The following SORCS3 variants were observed in gnomAD, a reference collection of about 807,000 sequenced individuals.
SORCS3 encodes sortilin related VPS10 domain containing receptor 3.
SORCS3 carries 57 observed loss-of-function variants against 146.3 expected under a neutral mutation model. The observed-to-expected ratio is 0.39, with a 90% CI of 0.31 to 0.49. The LOEUF is 0.49. SORCS3 is among the 20% of genes least tolerant of loss of function. The pLI is 0.92. For missense variants in SORCS3, 1,341 were observed against 1,575.5 expected (o/e 0.85, Z 2.52); for synonymous variants, 653 against 618.5 (o/e 1.06, Z -0.83).
intron 1 of SORCS3, among the ~76,000 whole-genome samples, chr10:104,735,450 C>G (rs933951273): frequency 2.4e-4 from 6 of 25,294 alleles, no homozygotes; most frequent in African/African-American, 9.7e-4. Flanking sequence ...TGAGCTCTCA[C>G]CGTCTGTTTT....
At chr10:105,213,011 C>A (rs1011169736) in intron 17 of SORCS3, among the ~76,000 whole-genome samples, 4 of 151,976 alleles carry the variant, frequency 2.6e-5, no homozygotes, top group Non-Finnish European at 5.9e-5. Context: ...TTCTTTAACC[C>A]AAAATTTCCA....
chr10:105,057,985 T>G (rs2055457204), intron 5 of SORCS3, among the ~76,000 whole-genome samples: 3 of 152,192 alleles, frequency 2.0e-5, no homozygotes, highest in Non-Finnish European at 4.4e-5. Flanking sequence ...GGATGATGGA[T>G]TAGGGGCTTG....
At chr10:104,688,596 G>A (rs545458344) in intron 1 of SORCS3, among the ~76,000 whole-genome samples, 3 of 152,254 alleles carry the variant, frequency 2.0e-5, no homozygotes, top group Non-Finnish European at 4.4e-5. Context: ...TGGATTGTTC[G>A]GCCTCAACTC....
chr10:104,875,576 A>G (rs368672245), intron 2 of SORCS3, among the ~76,000 whole-genome samples: 52 of 152,338 alleles, frequency 3.4e-4, no homozygotes, highest in African/African-American at 1.2e-3. Context: ...TGGGAGCTTC[A>G]GATCAATGTT....
chr10:104,888,000 G>A (rs1486136976), intron 2 of SORCS3, among the ~76,000 whole-genome samples: 1 of 147,214 alleles, frequency 6.8e-6, no homozygotes, highest in African/African-American at 2.6e-5. Flanking sequence ...GACAGCATGA[G>A]ACCAATGAGA....
intron 14 of SORCS3, among the ~76,000 whole-genome samples, chr10:105,193,426 G>T (rs2119598323): frequency 6.6e-6 from 1 of 152,260 alleles, no homozygotes; most frequent in African/African-American, 2.4e-5. Flanking sequence ...TTAAGCATCT[G>T]TTATATGAAA....
At chr10:104,761,512 C>A (rs2017122392) in intron 1 of SORCS3, among the ~76,000 whole-genome samples, 1 of 152,144 alleles carries the variant, frequency 6.6e-6, no homozygotes, top group Non-Finnish European at 1.5e-5. Context: ...ATAGACAAGG[C>A]TCTTCCATCC....
chr10:105,088,052 A>G (rs1199114273), intron 5 of SORCS3, among the ~76,000 whole-genome samples: 1 of 152,140 alleles, frequency 6.6e-6, no homozygotes, highest in South Asian at 2.1e-4. Context: ...GGACTGCTGG[A>G]GGGGCAAGGC....
intron 1 of SORCS3, among the ~76,000 whole-genome samples, chr10:104,705,927 C>T (rs1435214933): frequency 6.6e-6 from 1 of 152,204 alleles, no homozygotes; most frequent in Non-Finnish European, 1.5e-5. Context: ...TCTCCTCTAC[C>T]TAGAGGGGTG....
intron 1 of SORCS3, among the ~76,000 whole-genome samples, chr10:104,649,590 T>A (rs1402816749): frequency 6.6e-6 from 1 of 152,222 alleles, no homozygotes; most frequent in Non-Finnish European, 1.5e-5. Context: ...CTCATCAAGA[T>A]GCTCATTTCA....
intron 1 of SORCS3, among the ~76,000 whole-genome samples, chr10:104,655,823 C>A (rs902514220): frequency 6.6e-6 from 1 of 152,176 alleles, no homozygotes; most frequent in Non-Finnish European, 1.5e-5. Context: ...ATCTGCTCCC[C>A]CTTTGCCTTC....
intron 11 of SORCS3, among the ~76,000 whole-genome samples, chr10:105,160,836 C>A (rs1317834032): frequency 6.6e-6 from 1 of 152,204 alleles, no homozygotes; most frequent in East Asian, 1.9e-4. Flanking sequence ...TGTCCTCCTG[C>A]TTTCCAGGCT....
rs367702331 is a variant in SORCS3 at position 104,727,224 on chromosome 10, G to A, written c.627+85270G>A. Among the ~76,000 whole-genome samples, 20 of 152,290 alleles carry A rather than the reference G, an allele frequency of 1.3e-4. No homozygotes were observed. The South Asian group carries it at 2.3e-3, about 17-fold the overall frequency. ...AATAAATTACCATTGAATAAATTAC[G>A]TAGTTGTAATGAGAGAATGTATTGT... On this transcript the variant is annotated intron_variant, in intron 1 of 26. Coordinates refer to ENST00000369701, the MANE Select transcript of SORCS3 (RefSeq NM_014978.3).
intron 2 of SORCS3, among the ~76,000 whole-genome samples, chr10:104,867,101 T>C (rs1394221389): frequency 6.6e-6 from 1 of 152,038 alleles, no homozygotes; most frequent in Non-Finnish European, 1.5e-5. Context: ...GACAGACTAA[T>C]GGGGACAACA....
chr10:105,129,688 C>CACACACAA (rs939470558), intron 7 of SORCS3, among the ~76,000 whole-genome samples: 2 of 151,338 alleles, frequency 1.3e-5, no homozygotes, highest in African/African-American at 4.9e-5. Flanking sequence ...CACACACACA[C>CACACACAA]AAATAGGAAA....
chr10:104,696,012 A>T (rs887680349), intron 1 of SORCS3, among the ~76,000 whole-genome samples: 1 of 78,362 alleles, frequency 1.3e-5, no homozygotes, highest in African/African-American at 5.8e-5. Context: ...AATATATATA[A>T]TATATATCAT....
intron 1 of SORCS3, among the ~76,000 whole-genome samples, chr10:104,832,718 C>CAAATAAATAAATAAAT (rs148553473): frequency 2.5e-4 from 34 of 133,644 alleles, no homozygotes; most frequent in African/African-American, 8.8e-4. Flanking sequence ...AACTCCATCT[C>CAAATAAATAAATAAAT]AAATAAATAA....
At chr10:105,057,488 C>T (rs948402332) in intron 5 of SORCS3, among the ~76,000 whole-genome samples, 5 of 152,096 alleles carry the variant, frequency 3.3e-5, no homozygotes, top group African/African-American at 1.2e-4. Flanking sequence ...AAAGTCTTTG[C>T]TAAACTACCC....
intron 20 of SORCS3, among the ~76,000 whole-genome samples, chr10:105,242,906 TATATATATA>T (rs1439169361): frequency 1.2e-5 from 1 of 80,282 alleles, no homozygotes; most frequent in Non-Finnish European, 2.1e-5. Flanking sequence ...ATATATAAAT[TATATATATA>T]ATATATATGA....
Sources: gnomAD v4.1 joint callset for allele counts (sites outside exome capture counted in the v4.1 genomes callset) on GRCh38, gnomAD v4.1.1 for gene constraint, MANE v1.5 for transcripts, NCBI Gene and HGNC (gene_info 2026-07-23, HGNC 2026-07-21) for gene names.